SPANXN1: variants seen among roughly 807,000 people sequenced by gnomAD.
SPANXN1 encodes sperm protein associated with the nucleus on the X chromosome N1.
Under a neutral mutation model 2.0 loss-of-function variants are expected in SPANXN1, and 1 was observed. The ratio of observed to expected loss-of-function variants is 0.50; its 90% confidence interval spans 0.18 to 2.36. SPANXN1 has a LOEUF of 2.36. Among genes scored for constraint, SPANXN1 ranks in the 30% most tolerant of loss-of-function variants. The pLI is 0.26. For synonymous variants in SPANXN1, 27 were observed against 21.3 expected, an observed-to-expected ratio of 1.27 and a Z score of -0.74; for missense variants, 55 against 51.8, an observed-to-expected ratio of 1.06 and a Z score of -0.19.
chrX:145,255,805 C>T lies in SPANXN1; in HGVS notation c.210C>T (p.Asp70=). ...KKIHSNQLEN[D]QS ...TACATTCAAATCAACTGGAGAATGA[C>T]CAGTCCTGAGAGAACTCCATCAATC... Residue 70 remains aspartate, a synonymous_variant, in exon 2 of 2, where the codon GAC becomes GAT. Transcript: ENST00000370493. 10 of 1,212,043 alleles carry T rather than the reference C, an allele frequency of 8.3e-6. No homozygotes were observed. Among genetic ancestry groups the T allele is most frequent in the Non-Finnish European group, 1.1e-5 (10 of 895,575 alleles).
intron 1 of SPANXN1, among the ~76,000 whole-genome samples, chrX:145,250,566 T>A (rs1296526306): frequency 3.6e-5 from 4 of 111,996 alleles, no homozygotes; most frequent in South Asian, 7.5e-4. Context: ...TGTGCACATA[T>A]GAAAGTTCAG....
intron 1 of SPANXN1, among the ~76,000 whole-genome samples, chrX:145,251,891 T>C (rs2070787377): frequency 9.0e-6 from 1 of 110,842 alleles, no homozygotes; most frequent in African/African-American, 3.3e-5. Context: ...GGAAGGGGCA[T>C]GTCCCAAATT....
At chrX:145,250,860 A>G (rs1287854093) in intron 1 of SPANXN1, among the ~76,000 whole-genome samples, 2 of 111,965 alleles carry the variant, frequency 1.8e-5, no homozygotes, top group African/African-American at 6.5e-5. Context: ...CAGCTTATGT[A>G]TAAGTTTGCC....
chrX:145,255,432 AG>A (rs1556882994), intron 1 of SPANXN1, among the ~76,000 whole-genome samples: 2 of 111,362 alleles, frequency 1.8e-5, no homozygotes, highest in Middle Eastern at 4.6e-3. Flanking sequence ...ACTTTGACCA[AG>A]GTCTGCAAAA....
Position 145,256,060 on chromosome X carries a change from G to A in SPANXN1, c.*246G>A. 1.8e-6 allele frequency: 1 copy of A among 543,135 alleles called. No individual in the cohort carries two copies. The highest frequency in any genetic ancestry group is 3.1e-6 in the Non-Finnish European group (1 of 320,928). The allele number at this position is 543,135 out of a possible 1,213,427, so 44.8% of individuals were successfully genotyped here. Reference sequence around the variant, plus strand: ...ACTTACCTGAAGGATCTTCACAGGAGGATAAAGACGTAGAATTACCTGAAG... The same window carrying A: ...ACTTACCTGAAGGATCTTCACAGGAAGATAAAGACGTAGAATTACCTGAAG... On this transcript the variant is annotated 3_prime_UTR_variant, in exon 2 of 2. Transcript: ENST00000370493.
intron 1 of SPANXN1, among the ~76,000 whole-genome samples, chrX:145,249,053 A>G (rs1225314342): frequency 3.6e-5 from 4 of 110,737 alleles, no homozygotes; most frequent in Non-Finnish European, 7.5e-5. Context: ...GGTGGATTTA[A>G]TGGATTGGGG....
In SPANXN1 at chrX:145,255,598, C is replaced by T. The variant is rs781960470; in HGVS notation, c.76-73C>T. On this transcript the variant is annotated intron_variant, in intron 1 of 1. Transcript: ENST00000370493. ...CACCTGCATTCCTTCTCATAAAGCC[C>T]CCCTTGCTATCCAGTCTCTATCCTA... 156 of 1,187,215 alleles carry T rather than the reference C, an allele frequency of 1.3e-4. 5 individuals are homozygous for T. The African/African-American group carries it at 2.4e-3, about 18-fold the overall frequency.
At chrX:145,247,898 T>C (rs1461812047) in intron 1 of SPANXN1, among the ~76,000 whole-genome samples, 3 of 111,850 alleles carry the variant, frequency 2.7e-5, no homozygotes, top group Non-Finnish European at 5.6e-5. Flanking sequence ...ATGATCAGGC[T>C]GTTTGGTCCT....
intron 1 of SPANXN1, among the ~76,000 whole-genome samples, chrX:145,248,083 G>C (rs4827633): frequency 0.31 from 33,945 of 109,991 alleles, 4,083 homozygotes; most frequent in East Asian, 0.77. Flanking sequence ...AAAAATAGCA[G>C]GGTGCTTACT....
At chrX:145,254,967 G>C (rs73639618) in intron 1 of SPANXN1, among the ~76,000 whole-genome samples, 6,319 of 111,183 alleles carry the variant, frequency 0.057, 453 homozygotes, top group African/African-American at 0.2. Flanking sequence ...TTCGCTTTCT[G>C]GGTTGCAGCA....
intron 1 of SPANXN1, among the ~76,000 whole-genome samples, chrX:145,248,342 T>C (rs1602854936): frequency 9.0e-6 from 1 of 110,869 alleles, no homozygotes; most frequent in African/African-American, 3.3e-5. Context: ...CTTCGGGAGA[T>C]AAAGCAGGAT....
intron 1 of SPANXN1, among the ~76,000 whole-genome samples, chrX:145,247,928 T>C (rs1251422064): frequency 1.8e-5 from 2 of 112,575 alleles, no homozygotes; most frequent in Non-Finnish European, 3.8e-5. Context: ...GGGATGTCAT[T>C]GTGGTGTTTC....
Position 145,256,183 on chromosome X carries a change from G to T in SPANXN1, c.*369G>T. ...AAATTACAGAAATTCTCCAAGGAAG[G>T]AGCCAGATAAATAAATATTCTGATT... On this transcript the variant is annotated 3_prime_UTR_variant, in exon 2 of 2. Transcript: ENST00000370493. The T allele has an allele frequency of 2.7e-6, 1 of 364,542 alleles. No individual in the cohort carries two copies. The highest frequency in any genetic ancestry group is 4.2e-5 in the South Asian group (1 of 24,020). The allele number at this position is 364,542 out of a possible 1,213,427, so 30.0% of individuals were successfully genotyped here.
chrX:145,252,850 G>A lies in SPANXN1; in HGVS notation c.76-2821G>A, dbSNP rs781881667. On this transcript the variant is annotated intron_variant, in intron 1 of 1. Coordinates refer to ENST00000370493, the MANE Select transcript of SPANXN1 (RefSeq NM_001009614.3). ...AGTGGGTGAAGGGGGCTGTTGAATAGGTTGCATAATAAAGGACGAGTCTGT... is the reference window on the plus strand; with the variant it reads ...AGTGGGTGAAGGGGGCTGTTGAATAAGTTGCATAATAAAGGACGAGTCTGT... Among the ~76,000 whole-genome samples, 18 of 110,588 alleles carry A rather than the reference G, an allele frequency of 1.6e-4. 1 individual carries two copies. Among genetic ancestry groups the A allele is most frequent in the Non-Finnish European group, 3.2e-4 (17 of 52,831 alleles).
intron 1 of SPANXN1, among the ~76,000 whole-genome samples, chrX:145,249,055 G>A (rs2070774241): frequency 9.0e-6 from 1 of 111,016 alleles, no homozygotes. Flanking sequence ...TGGATTTAAT[G>A]GATTGGGGGG....
At position 145,247,624 on chromosome X, in the gene SPANXN1, G is replaced by A. The variant is rs782781006; in HGVS notation, c.38G>A (p.Arg13Lys). The A allele has an allele frequency of 8.3e-7, 1 of 1,208,894 alleles. No individual in the cohort carries two copies. Among genetic ancestry groups the A allele is most frequent in the African/African-American group, 1.8e-5 (1 of 56,976 alleles). ...QPTSSINGEK[R>K]KSPCESNNEN... is the part of the protein sequence containing the mutation. ...ACTTCAAGCATCAATGGGGAGAAGAGGAAGAGCCCCTGTGAATCCAACAAT... is the reference window on the plus strand; with the variant it reads ...ACTTCAAGCATCAATGGGGAGAAGAAGAAGAGCCCCTGTGAATCCAACAAT... The change falls in exon 1 of 2, where the codon AGG (arginine) becomes AAG (lysine). Residue 13 changes from arginine (R) to lysine (K), a missense_variant. Arg to Lys is a conservative substitution (Grantham distance 26). Transcript: ENST00000370493.
intron 1 of SPANXN1, among the ~76,000 whole-genome samples, chrX:145,254,651 C>T (rs1163990922): frequency 1.8e-5 from 2 of 111,917 alleles, no homozygotes; most frequent in African/African-American, 6.5e-5. Context: ...ACTGGGGAGA[C>T]CTCTCACCCA....
chrX:145,254,740 T>C (rs2070801094), intron 1 of SPANXN1, among the ~76,000 whole-genome samples: 1 of 111,640 alleles, frequency 9.0e-6, no homozygotes, highest in Admixed American at 9.5e-5. Context: ...CACCCACTAA[T>C]TGACGCCCAG....
chrX:145,255,724 G>A lies in SPANXN1; in HGVS notation c.129G>A (p.Met43Ile). Residue 43 changes from methionine to isoleucine, a missense_variant, in exon 2 of 2, where the codon ATG (methionine) becomes ATA (isoleucine). Met to Ile is a conservative substitution (Grantham distance 10). Transcript: ENST00000370493. ...CCCCCGAACCGAGTTTGAAAAAGAT[G>A]AAAACGTCAGAATATTCAACAGTAT... is the stretch of plus-strand genomic sequence containing the variant. ...DLAPEPSLKK[M>I]KTSEYSTVLA... 1 of 1,211,913 alleles carries A rather than the reference G, an allele frequency of 8.3e-7. No homozygotes were observed. Among genetic ancestry groups the A allele is most frequent in the Non-Finnish European group, 1.1e-6 (1 of 895,559 alleles).
Sources: gnomAD v4.1 joint callset for allele counts (sites outside exome capture counted in the v4.1 genomes callset) on GRCh38, gnomAD v4.1.1 for gene constraint, MANE v1.5 for transcripts, NCBI Gene and HGNC (gene_info 2026-07-23, HGNC 2026-07-21) for gene names.